Variants in TULP1 observed in about 807,000 individuals in gnomAD.
TULP1 encodes TUB like protein 1, also known as tubby-related protein 1.
TULP1 carries 50 observed loss-of-function variants against 67.1 expected under a neutral mutation model. The ratio of observed to expected loss-of-function variants is 0.75; its 90% confidence interval spans 0.59 to 0.94. The LOEUF (loss-of-function observed/expected upper bound fraction) is 0.94, where lower values mean the gene tolerates loss of function less well. Among genes scored for constraint, TULP1 ranks in the 40% least tolerant of loss-of-function variants. The pLI, the probability that TULP1 is intolerant of heterozygous loss-of-function variation, is 0.00. For synonymous variants in TULP1, 297 were observed against 294.0 expected (o/e 1.01, Z -0.11); for missense variants, 746 against 734.1 (o/e 1.02, Z -0.19).
Position 35,511,699 on chromosome 6 carries a change from G to A in TULP1, c.298C>T (p.Arg100Cys). ...ACCAGAAAGGTTTCCCGGGGGTCGC[G>A]CTTCTTGGCCTCGGGGTCCCTGAGG... The part of the protein sequence containing the change: ...RFLRDPEAKK[R>C]DPRETFLVAR... Residue 100 changes from arginine to cysteine, a missense_variant, in exon 4 of 15, where the codon CGC (arginine) becomes TGC (cysteine). Arg to Cys is a radical substitution (Grantham distance 180). Around this residue, in one of 3 missense-constraint regions of TULP1, gnomAD observed 359 missense variants for 341.9 expected, o/e 1.05. Transcript: ENST00000229771. 1.3e-6 allele frequency: 2 copies of A among 1,593,006 alleles called. No homozygotes were observed. Among genetic ancestry groups the A allele is most frequent in the East Asian group, 2.3e-5 (1 of 43,880 alleles).
rs1284761963 is a variant in TULP1, at chr6:35,503,862, A to G, written c.1113-14T>C. On this transcript the variant is annotated splice_polypyrimidine_tract_variant and intron_variant, in intron 11 of 14. Transcript: ENST00000229771. The surrounding 1 kb of genome is among the most constrained non-coding windows in gnomAD (Gnocchi z 4.0). ...AGGAGGTTGGACCTGCAAGCAGGGT[A>G]GAGCTTGGGGTGGGGCTGAGGGGAT... 1.3e-6 allele frequency: 2 copies of G among 1,596,704 alleles called. No homozygotes were observed. Among genetic ancestry groups the G allele is most frequent in the Admixed American group, 3.4e-5 (2 of 58,770 alleles).
intron 4 of TULP1, among the ~76,000 whole-genome samples, 185 bp downstream of exon 4, chr6:35,511,463 G>A (rs1469531416): frequency 6.6e-6 from 1 of 152,138 alleles, no homozygotes; most frequent in Non-Finnish European, 1.5e-5. Context: ...TGGTGGAGGG[G>A]GGGAACAAAG....
intron 3 of TULP1, 69 bp downstream of exon 3, chr6:35,512,111 C>A: frequency 9.7e-7 from 1 of 1,029,128 alleles, no homozygotes; most frequent in Non-Finnish European, 1.3e-6. Context: ...ACACCCGCGC[C>A]GGCCCTCAAG....
Position 35,510,852 on chromosome 6 carries a change from A to C in TULP1, c.499+9T>G, listed in dbSNP as rs1761183379. On this transcript the variant is annotated intron_variant, in intron 5 of 14. Transcript: ENST00000229771. ...CCCTGTGAGCTCTCTCAGCACCCTCAGCACCCACCCCTTGGGCCCTGGGCC... is the reference window on the plus strand; with the variant it reads ...CCCTGTGAGCTCTCTCAGCACCCTCCGCACCCACCCCTTGGGCCCTGGGCC... 1 of 1,613,708 alleles carries C rather than the reference A, an allele frequency of 6.2e-7. No individual in the cohort carries two copies. Among genetic ancestry groups the C allele is most frequent in the Admixed American group, 1.7e-5 (1 of 60,012 alleles).
chr6:35,503,234 G>A lies in TULP1; in HGVS notation c.1323+325C>T, dbSNP rs1226575820. ...ATTACAGGCGTGAGCCACCGCGCCC[G>A]GCCCAGGGGTGCAGATCTTTGTTTT... On this transcript the variant is annotated intron_variant, in intron 13 of 14. Coordinates refer to ENST00000229771, the MANE Select transcript of TULP1 (RefSeq NM_003322.6). The surrounding 1 kb of genome is among the most constrained non-coding windows in gnomAD (Gnocchi z 4.0). Among the ~76,000 whole-genome samples the A allele has an allele frequency of 6.6e-6, 1 of 152,206 alleles. No homozygotes were observed. The highest frequency in any genetic ancestry group is 2.4e-5 in the African/African-American group (1 of 41,456).
chr6:35,509,526 T>C (rs9296155), intron 7 of TULP1, 108 bp downstream of exon 7: 1,046,945 of 1,242,894 alleles, frequency 0.84, 442,111 homozygotes, highest in African/African-American at 0.93. Context: ...ACTCTAGACC[T>C]GGCAAACTCC....
At chr6:35,500,253 G>T (rs1385691827) in intron 13 of TULP1, 101 bp from the exon 14 acceptor site, 2 of 1,289,408 alleles carry the variant, frequency 1.6e-6, no homozygotes, top group African/African-American at 1.5e-5. Flanking sequence ...GTGCACAGGG[G>T]TGTGGCCTGG....
intron 5 of TULP1, 69 bp from the exon 6 acceptor site, chr6:35,509,997 C>T (rs1466838319): frequency 6.9e-7 from 1 of 1,446,092 alleles, no homozygotes; most frequent in East Asian, 2.3e-5. Flanking sequence ...TTCCAACCCT[C>T]TTGTCCTGCC....
In TULP1 at chr6:35,503,698, G is replaced by C. The variant is rs1214566510; in HGVS notation, c.1224+39C>G. 6.2e-7 allele frequency: 1 copy of C among 1,603,722 alleles called. No homozygotes were observed. Among genetic ancestry groups the C allele is most frequent in the South Asian group, 1.1e-5 (1 of 89,166 alleles). ...ATGCCTGTGAGGCCAGCCCCTGTAA[G>C]GGGAGCAGCCTGGCATGGGGGACAG... On this transcript the variant is annotated intron_variant, in intron 12 of 14. Transcript: ENST00000229771. The surrounding 1 kb of genome is among the most constrained non-coding windows in gnomAD (Gnocchi z 4.0).
chr6:35,511,163 G>A lies in TULP1; in HGVS notation c.350-153C>T. The A allele has an allele frequency of 2.0e-6, 3 of 1,490,990 alleles. No individual in the cohort carries two copies. The Admixed American group carries it at 6.3e-5, about 31-fold the overall frequency. The allele number at this position is 1,490,990 out of a possible 1,614,324, so 92.4% of individuals were successfully genotyped here. ...GAACCGGAGACCTGGCACCTTCCCAGAAGAATGAGGGTGACTGGCAGCCTT... is the reference window on the plus strand; with the variant it reads ...GAACCGGAGACCTGGCACCTTCCCAAAAGAATGAGGGTGACTGGCAGCCTT... On this transcript the variant is annotated intron_variant, in intron 4 of 14. Transcript: ENST00000229771.
At position 35,511,752 on chromosome 6, in the gene TULP1, C is replaced by G. The variant is rs753258431; in HGVS notation, c.245G>C (p.Arg82Pro). The G allele has an allele frequency of 9.5e-6, 15 of 1,583,604 alleles. No individual in the cohort carries two copies. The highest frequency in any genetic ancestry group is 1.3e-5 in the Non-Finnish European group (15 of 1,165,456). Reference sequence around the variant, plus strand: ...CCTGGCGTAGACCGTCTGCGGCGCCCGGGCCTGGGCTGGGTCTGGGGAAGG... The same window carrying G: ...CCTGGCGTAGACCGTCTGCGGCGCCGGGGCCTGGGCTGGGTCTGGGGAAGG... ...EEPSPDPAQA[R>P]APQTVYARFL... Residue 82 changes from arginine to proline, a missense_variant, in exon 4 of 15, where the codon CGG (arginine) becomes CCG (proline). Coordinates refer to ENST00000229771, the MANE Select transcript of TULP1 (RefSeq NM_003322.6).
At chr6:35,512,738 C>CCAA in intron 1 of TULP1, 48 bp from the exon 2 acceptor site, 1 of 1,568,604 alleles carries the variant, frequency 6.4e-7, no homozygotes, top group Non-Finnish European at 8.7e-7. Flanking sequence ...CTTCCCTCCC[C>CCAA]ATCCCACCCA....
intron 5 of TULP1, 149 bp downstream of exon 5, chr6:35,510,712 G>A: frequency 6.4e-7 from 1 of 1,565,750 alleles, no homozygotes; most frequent in Non-Finnish European, 8.6e-7. Flanking sequence ...GACCATCGTG[G>A]GGAGAAATTA....
At chr6:35,506,633 T>C (rs1761094174) in intron 8 of TULP1, among the ~76,000 whole-genome samples, 1 of 152,216 alleles carries the variant, frequency 6.6e-6, no homozygotes, top group Admixed American at 6.5e-5. Context: ...CAGGGTGCCA[T>C]AGTTTCAAGT....
At chr6:35,501,540 A>AATC (rs1760960679) in intron 13 of TULP1, among the ~76,000 whole-genome samples, 1 of 147,752 alleles carries the variant, frequency 6.8e-6, no homozygotes, top group African/African-American at 2.5e-5. Flanking sequence ...GGCTGGGCAC[A>AATC]GTGGCTCAGG....
intron 3 of TULP1, 72 bp downstream of exon 3, chr6:35,512,108 C>T (rs994285458): frequency 4.0e-5 from 40 of 998,848 alleles, no homozygotes; most frequent in Non-Finnish European, 5.1e-5. Context: ...GCGACACCCG[C>T]GCCGGCCCTC....
intron 13 of TULP1, among the ~76,000 whole-genome samples, chr6:35,500,540 A>C (rs2150922695): frequency 6.6e-6 from 1 of 152,338 alleles, no homozygotes; most frequent in Middle Eastern, 3.4e-3. Context: ...GGTAAATTGC[A>C]GTTAAGAGAA....
Position 35,498,260 on chromosome 6 carries a change from T to C in TULP1, c.*67A>G. 1 of 1,590,100 alleles carries C rather than the reference T, an allele frequency of 6.3e-7. No homozygotes were observed. Among genetic ancestry groups the C allele is most frequent in the South Asian group, 1.1e-5 (1 of 88,642 alleles). Reference sequence around the variant, plus strand: ...CGCGGGAGCTTTGCTGGAGGGACCCTGCCAGCCTCCACTGAATCCTTTCCC... The same window carrying C: ...CGCGGGAGCTTTGCTGGAGGGACCCCGCCAGCCTCCACTGAATCCTTTCCC... On this transcript the variant is annotated 3_prime_UTR_variant, in exon 15 of 15. Coordinates refer to ENST00000229771, the MANE Select transcript of TULP1 (RefSeq NM_003322.6). This position sits in a 1 kb window ranked among gnomAD's most constrained non-coding sequence, Gnocchi z 6.7.
Position 35,503,595 on chromosome 6 carries a change from A to C in TULP1, c.1287T>G (p.Ser429Arg). 6.3e-7 allele frequency: 1 copy of C among 1,592,940 alleles called. No individual in the cohort carries two copies. The highest frequency in any genetic ancestry group is 1.1e-5 in the South Asian group (1 of 87,440). ...GGATGGGGACCCTCTCGTTCTCCGC[A>C]CTCATGCCAGGAATGATGACGGTCA... ...RRMTVIIPGM[S>R]AENERVPIRP... The change falls in exon 13 of 15, where the codon AGT becomes AGG. Residue 429 changes from serine (S) to arginine (R), a missense_variant. Ser to Arg is a moderately radical substitution (Grantham distance 110, BLOSUM62 -1). This residue lies in a region of TULP1 where 383 missense variants were observed against 374.1 expected (regional missense o/e 1.02). Coordinates refer to ENST00000229771, the MANE Select transcript of TULP1 (RefSeq NM_003322.6). The surrounding 1 kb of genome is among the most constrained non-coding windows in gnomAD (Gnocchi z 4.0).
Sources: allele counts gnomAD v4.1 joint callset (sites outside exome capture counted in the v4.1 genomes callset), GRCh38; gene constraint gnomAD v4.1.1; regional missense constraint gnomAD v4.1.1; non-coding constraint Gnocchi (gnomAD v3.1); transcripts MANE v1.5; gene names NCBI Gene and HGNC (gene_info 2026-07-23, HGNC 2026-07-21).